The following ADORA1 variants were observed in gnomAD, a reference collection of about 807,000 sequenced individuals.
ADORA1 encodes the protein adenosine A1 receptor.
A neutral mutation model predicts 19.9 loss-of-function variants in ADORA1; 6 were observed. That is an observed-to-expected ratio of 0.30 (90% CI 0.17 to 0.59). The LOEUF is 0.59. Ranked by LOEUF, ADORA1 falls within the 20% of genes least tolerant of loss-of-function variation. The probability of loss-of-function intolerance (pLI) is 0.87; values close to 1 mark genes in which losing one functional copy is unlikely to be tolerated. For synonymous variants in ADORA1, 194 were observed against 188.4 expected, an observed-to-expected ratio of 1.03 and a Z score of -0.24; for missense variants, 302 against 439.2, an observed-to-expected ratio of 0.69 and a Z score of 2.79.
intron 3 of ADORA1, among the ~76,000 whole-genome samples, chr1:203,130,144 C>T (rs971262167): frequency 6.6e-6 from 1 of 152,368 alleles, no homozygotes; most frequent in Middle Eastern, 3.4e-3. Context: ...CTCTGGCCAT[C>T]TCCAGCACCT....
At position 203,127,967 on chromosome 1, in the gene ADORA1, T is replaced by G. The variant is rs199752980; in HGVS notation, c.-213+39T>G. 51 of 173,412 alleles carry G rather than the reference T, an allele frequency of 2.9e-4. 1 individual carries two copies. The South Asian group carries it at 4.4e-3, about 15-fold the overall frequency. 10.7% of individuals were successfully genotyped at this position (173,412 alleles called of 1,614,324 possible). A position where few individuals can be genotyped will look rare whatever the true frequency, so the allele number is the denominator to read the frequency against. Reference sequence around the variant, plus strand: ...TCGGTTCACCCCTGGGGCTCCCCAATGGGGGTGCAGGAGAGGGTTGAAAGA... The same window carrying G: ...TCGGTTCACCCCTGGGGCTCCCCAAGGGGGGTGCAGGAGAGGGTTGAAAGA... On this transcript the variant is annotated intron_variant, in intron 1 of 3. Coordinates refer to ENST00000337894, the MANE Select transcript of ADORA1 (RefSeq NM_000674.3).
At chr1:203,163,037 T>C (rs554618834) in intron 3 of ADORA1, among the ~76,000 whole-genome samples, 89 of 152,350 alleles carry the variant, frequency 5.8e-4, no homozygotes, top group African/African-American at 2.1e-3. Flanking sequence ...CGTAGACTCA[T>C]GCCCAGAACT....
At chr1:203,142,099 G>A (rs987270513) in intron 3 of ADORA1, among the ~76,000 whole-genome samples, 4 of 152,154 alleles carry the variant, frequency 2.6e-5, no homozygotes, top group Non-Finnish European at 4.4e-5. Flanking sequence ...AGCAGGATTC[G>A]TAATACCTCC....
In ADORA1 at chr1:203,128,659, C is replaced by T; in HGVS notation, c.-57-126C>T. ...GCAGAGAAGGGTCCGGGTGCCCCTC[C>T]AGCCTGGGTAGGAGCTGCATGTGAC... On this transcript the variant is annotated intron_variant, in intron 2 of 3. Coordinates refer to ENST00000337894, the MANE Select transcript of ADORA1 (RefSeq NM_000674.3). The surrounding 1 kb of genome is among the most constrained non-coding windows in gnomAD (Gnocchi z 5.9). 2.5e-6 allele frequency: 3 copies of T among 1,209,166 alleles called. 1 individual carries two copies. The South Asian group carries it at 4.7e-5, about 19-fold the overall frequency. The allele number at this position is 1,209,166 out of a possible 1,614,324, so 74.9% of individuals were successfully genotyped here.
chr1:203,134,227 C>T (rs938070214), intron 3 of ADORA1, among the ~76,000 whole-genome samples: 2 of 152,144 alleles, frequency 1.3e-5, no homozygotes, highest in African/African-American at 4.8e-5. Flanking sequence ...CTTGCTCCCC[C>T]GCCTCTGATG....
At chr1:203,138,490 G>T (rs956308024) in intron 3 of ADORA1, among the ~76,000 whole-genome samples, 11 of 152,208 alleles carry the variant, frequency 7.2e-5, no homozygotes, top group African/African-American at 2.4e-4. Context: ...GAGAACTCCA[G>T]ACATAGGAAG....
chr1:203,166,588 A>AT lies in ADORA1; in HGVS notation c.*691dup, dbSNP rs1199633472. ...GGTAGGTTCAGTAATCATTTCTGAT[A>AT]TTTGCTGGAGTGCTGGCTCCACGCC... On this transcript the variant is annotated 3_prime_UTR_variant, in exon 4 of 4. Transcript: ENST00000337894. 1.3e-5 allele frequency: 2 copies of AT among 152,434 alleles called. No individual in the cohort carries two copies. Among genetic ancestry groups the AT allele is most frequent in the African/African-American group, 4.8e-5 (2 of 41,424 alleles). 9.4% of individuals were successfully genotyped at this position (152,434 alleles called of 1,614,324 possible). A position where few individuals can be genotyped will look rare whatever the true frequency, so the allele number is the denominator to read the frequency against.
At chr1:203,163,103 A>C (rs945396010) in intron 3 of ADORA1, among the ~76,000 whole-genome samples, 2 of 152,236 alleles carry the variant, frequency 1.3e-5, no homozygotes, top group Non-Finnish European at 2.9e-5. Flanking sequence ...TGAGATGGTC[A>C]GGAACAAGAT....
rs1553268500 is a variant in ADORA1 at position 203,151,788 on chromosome 1, G to GCATGCATTCATT, written c.342-13470_342-13469insGCATTCATTCAT. ...CCCACAGCACACTTCATGCATGCAT[G>GCATGCATTCATT]CATTCATTCATTCATTCATTCATTC... On this transcript the variant is annotated intron_variant, in intron 3 of 3. Transcript: ENST00000337894. Among the ~76,000 whole-genome samples the GCATGCATTCATT allele has an allele frequency of 6.6e-3, 1,000 of 151,316 alleles. 26 individuals are homozygous for GCATGCATTCATT. The highest frequency in any genetic ancestry group is 0.052 in the Admixed American group (787 of 15,200).
chr1:203,155,020 T>TTATTAC (rs1655152965), intron 3 of ADORA1, among the ~76,000 whole-genome samples: 1 of 50,198 alleles, frequency 2.0e-5, no homozygotes, highest in African/African-American at 5.5e-5. Flanking sequence ...TTCCTATTTA[T>TTATTAC]TATTATTATT....
At chr1:203,135,961 CT>C (rs1654492661) in intron 3 of ADORA1, among the ~76,000 whole-genome samples, 1 of 152,160 alleles carries the variant, frequency 6.6e-6, no homozygotes, top group African/African-American at 2.4e-5. Context: ...AAGTCTAGTC[CT>C]TATTGCCTGG....
intron 3 of ADORA1, among the ~76,000 whole-genome samples, chr1:203,161,261 C>T (rs577810330): frequency 8.5e-5 from 13 of 152,138 alleles, no homozygotes; most frequent in Non-Finnish European, 1.6e-4. Flanking sequence ...TGAGAAGTTC[C>T]GACTAATAAA....
chr1:203,154,349 T>C (rs6677396), intron 3 of ADORA1, among the ~76,000 whole-genome samples: 146,074 of 152,242 alleles, frequency 0.96, 70,207 homozygotes, highest in Non-Finnish European at 0.99. Context: ...ACTCTTGAAC[T>C]GTCTGAGTCT....
intron 3 of ADORA1, among the ~76,000 whole-genome samples, chr1:203,140,204 G>A (rs1042575996): frequency 6.6e-6 from 1 of 152,148 alleles, no homozygotes; most frequent in Non-Finnish European, 1.5e-5. Context: ...GGTTGGAGTG[G>A]GGTTACAGAG....
intron 3 of ADORA1, among the ~76,000 whole-genome samples, chr1:203,143,345 C>T (rs1654755157): frequency 6.6e-6 from 1 of 152,168 alleles, no homozygotes; most frequent in Non-Finnish European, 1.5e-5. Flanking sequence ...ACCTTGATGA[C>T]CTTATCTAAC....
chr1:203,139,778 C>A lies in ADORA1; in HGVS notation c.341+10596C>A, dbSNP rs560811805. Among the ~76,000 whole-genome samples the A allele has an allele frequency of 1.2e-4, 19 of 152,272 alleles. No individual in the cohort carries two copies. The South Asian group carries it at 3.9e-3, about 32-fold the overall frequency. On this transcript the variant is annotated intron_variant, in intron 3 of 3. Coordinates refer to ENST00000337894, the MANE Select transcript of ADORA1 (RefSeq NM_000674.3). ...CATGGACATGCCAGCAAGCAGGTGG[C>A]TTTGACTGCAATTTGTGAACTCAAA... is the stretch of plus-strand genomic sequence containing the variant.
intron 3 of ADORA1, among the ~76,000 whole-genome samples, chr1:203,158,417 C>T (rs1655260692): frequency 6.6e-6 from 1 of 152,190 alleles, no homozygotes; most frequent in African/African-American, 2.4e-5. Context: ...TCTTTACTGT[C>T]CAAATTTTCT....
At position 203,130,307 on chromosome 1, in the gene ADORA1, T is replaced by C. The variant is rs1654291200; in HGVS notation, c.341+1125T>C. Among the ~76,000 whole-genome samples the C allele has an allele frequency of 3.9e-5, 6 of 152,230 alleles. No individual in the cohort carries two copies. In the South Asian group the frequency reaches 1.2e-3, roughly 32 times the overall value. Reference sequence around the variant, plus strand: ...CTTTCTTACATGCATGATTTTTTCCTGTTATCATCACGCCGCTGTAAGGGA... The same window carrying C: ...CTTTCTTACATGCATGATTTTTTCCCGTTATCATCACGCCGCTGTAAGGGA... On this transcript the variant is annotated intron_variant, in intron 3 of 3. Transcript: ENST00000337894.
chr1:203,128,160 C>T lies in ADORA1; in HGVS notation c.-212-118C>T. The stretch of plus-strand genomic sequence containing the variant: ...TAGGGAGAAACGCCCCAGCCTTGTC[C>T]TGGGCTCCGTCCCCAGACCCACGTC... On this transcript the variant is annotated intron_variant, in intron 1 of 3. Transcript: ENST00000337894. The surrounding 1 kb of genome is among the most constrained non-coding windows in gnomAD (Gnocchi z 5.9). 1 of 407,060 alleles carries T rather than the reference C, an allele frequency of 2.5e-6. No homozygotes were observed. The highest frequency in any genetic ancestry group is 4.4e-6 in the Non-Finnish European group (1 of 229,102). 25.2% of individuals were successfully genotyped at this position (407,060 alleles called of 1,614,324 possible).
Sources: allele counts gnomAD v4.1 joint callset (sites outside exome capture counted in the v4.1 genomes callset), GRCh38; gene constraint gnomAD v4.1.1; non-coding constraint Gnocchi (gnomAD v3.1); transcripts MANE v1.5; gene names NCBI Gene and HGNC (gene_info 2026-07-23, HGNC 2026-07-21).